Variants in CFAP58 observed in about 807,000 individuals in gnomAD.
CFAP58 encodes the protein cilia and flagella associated protein 58, also known as cilia- and flagella-associated protein 58.
In CFAP58, 88 loss-of-function variants were observed where a neutral mutation model predicts 119.5. The ratio of observed to expected loss-of-function variants is 0.74; its 90% CI spans 0.62 to 0.88. CFAP58 has a LOEUF of 0.88. Among genes scored for constraint, CFAP58 ranks in the 40% least tolerant of loss-of-function variants. CFAP58 has a pLI of 0.00. For synonymous variants in CFAP58, 365 were observed against 366.3 expected (o/e 1.00, Z 0.04); for missense variants, 990 against 1,021.2 (o/e 0.97, Z 0.42).
At chr10:104,349,345 T>G (rs2014433846), upstream of CFAP58, among the ~76,000 whole-genome samples, 1 of 147,080 alleles carries the variant, frequency 6.8e-6, no homozygotes, top group African/African-American at 2.7e-5. Flanking sequence ...GATCAAAGTG[T>G]CAGCAGGTTT....
At chr10:104,447,956 T>A in intron 16 of CFAP58, 139 bp downstream of exon 16, 1 of 1,065,044 alleles carries the variant, frequency 9.4e-7, no homozygotes, top group Non-Finnish European at 1.3e-6. Context: ...CTTAGAGCTC[T>A]AGTCTAGGAT....
At position 104,362,096 on chromosome 10, in the gene CFAP58, C is replaced by T. The variant is rs2014674714; in HGVS notation, c.365C>T (p.Ala122Val). The change falls in exon 3 of 18, where the codon GCT (alanine) becomes GTT (valine). Residue 122 changes from alanine (A) to valine (V), a missense_variant. By Grantham distance (64) the Ala-to-Val change is moderately conservative. Transcript: ENST00000369704. ...CAGAAGGCCAAGGAGACGATTCTTGCTCTGAAAGAGGAAATAGTGAACCTG... is the reference window on the plus strand; with the variant it reads ...CAGAAGGCCAAGGAGACGATTCTTGTTCTGAAAGAGGAAATAGTGAACCTG... ...KEQKAKETIL[A>V]LKEEIVNLTK... 1.2e-6 allele frequency: 2 copies of T among 1,613,968 alleles called. No individual in the cohort carries two copies. The highest frequency in any genetic ancestry group is 1.1e-5 in the South Asian group (1 of 91,080).
At chr10:104,395,774 G>A (rs372244156) in intron 11 of CFAP58, among the ~76,000 whole-genome samples, 3 of 152,138 alleles carry the variant, frequency 2.0e-5, no homozygotes, top group African/African-American at 4.8e-5. Context: ...TCATTATTGC[G>A]AGTTGTACGA....
chr10:104,375,050 G>A (rs1432287623), intron 7 of CFAP58, among the ~76,000 whole-genome samples: 2 of 151,512 alleles, frequency 1.3e-5, no homozygotes, highest in Admixed American at 1.3e-4. Context: ...TGTACAATAA[G>A]CTTCTGTTTT....
intron 15 of CFAP58, among the ~76,000 whole-genome samples, chr10:104,427,536 G>A (rs915380621): frequency 1.3e-5 from 2 of 151,976 alleles, no homozygotes; most frequent in East Asian, 1.9e-4. Flanking sequence ...GTTATATTTC[G>A]CAAAGCACTC....
At chr10:104,350,552 C>T (rs190219609), upstream of CFAP58, among the ~76,000 whole-genome samples, 8 of 152,288 alleles carry the variant, frequency 5.3e-5, no homozygotes, top group East Asian at 9.6e-4. Flanking sequence ...GAACATGTCA[C>T]GCGCCTTTCT....
intron 15 of CFAP58, among the ~76,000 whole-genome samples, chr10:104,420,751 A>ATTTT (rs66462966): frequency 7.4e-5 from 9 of 121,624 alleles, no homozygotes; most frequent in African/African-American, 2.8e-4. Flanking sequence ...TTTATATTTG[A>ATTTT]TTTTTTTTTT....
upstream of CFAP58, among the ~76,000 whole-genome samples, chr10:104,351,027 A>G (rs2014453498): frequency 6.6e-6 from 1 of 152,202 alleles, no homozygotes; most frequent in Non-Finnish European, 1.5e-5. Context: ...CAGAAATGTT[A>G]TGGAGTTTCT....
At chr10:104,425,677 G>A (rs990347147) in intron 15 of CFAP58, among the ~76,000 whole-genome samples, 3 of 152,154 alleles carry the variant, frequency 2.0e-5, no homozygotes, top group Non-Finnish European at 2.9e-5. Context: ...TGGCAGAGTC[G>A]GGGCCCAAAC....
chr10:104,448,886 A>G (rs2013150962), intron 16 of CFAP58, among the ~76,000 whole-genome samples: 2 of 152,268 alleles, frequency 1.3e-5, no homozygotes, highest in African/African-American at 4.8e-5. Flanking sequence ...AGAGGTAGAT[A>G]TAGATTAGAA....
chr10:104,365,601 A>G (rs563653311), intron 4 of CFAP58, among the ~76,000 whole-genome samples: 26 of 152,216 alleles, frequency 1.7e-4, no homozygotes, highest in African/African-American at 6.0e-4. Context: ...CCATCAGGGT[A>G]GTCATTTGAT....
intron 15 of CFAP58, among the ~76,000 whole-genome samples, chr10:104,409,092 C>A (rs572678171): frequency 1.4e-3 from 106 of 77,162 alleles, no homozygotes; most frequent in African/African-American, 5.3e-3. Context: ...AGTGTGAGAC[C>A]CCGTCTCATA....
intron 15 of CFAP58, among the ~76,000 whole-genome samples, chr10:104,432,875 A>G (rs1268123703): frequency 1.3e-5 from 2 of 152,234 alleles, no homozygotes; most frequent in African/African-American, 4.8e-5. Flanking sequence ...GGTAGTATGT[A>G]TTAAAGGCTT....
intron 9 of CFAP58, among the ~76,000 whole-genome samples, chr10:104,381,516 G>C (rs995727131): frequency 6.6e-6 from 1 of 152,130 alleles, no homozygotes; most frequent in Non-Finnish European, 1.5e-5. Context: ...TCTCCCCCTA[G>C]CAAGATGTGA....
intron 15 of CFAP58, among the ~76,000 whole-genome samples, chr10:104,444,436 A>C (rs1270767419): frequency 6.6e-6 from 1 of 152,204 alleles, no homozygotes; most frequent in Non-Finnish European, 1.5e-5. Context: ...CATAAGATAG[A>C]TTCTCTTTAT....
intron 15 of CFAP58, among the ~76,000 whole-genome samples, chr10:104,442,187 CT>C (rs962587138): frequency 1.3e-5 from 2 of 150,148 alleles, no homozygotes; most frequent in African/African-American, 2.5e-5. Flanking sequence ...AATGTATTGC[CT>C]TTTTTTTTCA....
At chr10:104,397,028 A>G (rs2012175144) in intron 11 of CFAP58, among the ~76,000 whole-genome samples, 2 of 152,212 alleles carry the variant, frequency 1.3e-5, no homozygotes, top group African/African-American at 4.8e-5. Flanking sequence ...TTTACATTTC[A>G]GACAGATACT....
chr10:104,414,541 G>A (rs1387889353), intron 15 of CFAP58, among the ~76,000 whole-genome samples: 3 of 149,796 alleles, frequency 2.0e-5, no homozygotes, highest in Non-Finnish European at 4.4e-5. Context: ...GTTCTTCTAA[G>A]GTTGTGAACA....
rs1214212808 is a variant in CFAP58 at position 104,371,252 on chromosome 10, A to G, written c.1090+198A>G. Among the ~76,000 whole-genome samples, 7 of 152,106 alleles carry G rather than the reference A, an allele frequency of 4.6e-5. No homozygotes were observed. In the South Asian group the frequency reaches 1.0e-3, roughly 23 times the overall value. On this transcript the variant is annotated intron_variant, in intron 7 of 17. Transcript: ENST00000369704. ...ACACCTTAAACTCTTACCTTAAACA[A>G]TTCTTCCACAGGTTCCATTGGCAAA...
Sources: allele counts gnomAD v4.1 joint callset (sites outside exome capture counted in the v4.1 genomes callset), GRCh38; gene constraint gnomAD v4.1.1; transcripts MANE v1.5; gene names NCBI Gene and HGNC (gene_info 2026-07-23, HGNC 2026-07-21).